The following KTN1 variants were observed in gnomAD, a reference collection of about 807,000 sequenced individuals.
The protein encoded by KTN1 is kinectin.
KTN1 carries 130 observed loss-of-function variants against 222.5 expected under a neutral mutation model. That is an observed-to-expected ratio of 0.58 (90% CI 0.51 to 0.68). The LOEUF (loss-of-function observed/expected upper bound fraction) is 0.68. Among genes scored for constraint, KTN1 ranks in the 30% least tolerant of loss-of-function variants. The pLI, the probability that KTN1 is intolerant of heterozygous loss-of-function variation, is 0.00. For synonymous variants in KTN1, 512 were observed against 496.3 expected (o/e 1.03, Z -0.42); for missense variants, 1,508 against 1,500.4 (o/e 1.01, Z -0.08).
In KTN1 at chr14:55,616,603, A is replaced by T; in HGVS notation, c.610A>T (p.Ser204Cys). ...CCTCCACCAAGAGACTAAACAAGAA[A>T]GTGGATCAGGGAAGAAGAAAGCTTC... ...LPLHQETKQE[S>C]GSGKKKASSK... The change falls in exon 3 of 44, where the codon AGT becomes TGT. Residue 204 changes from serine (S) to cysteine (C), a missense_variant. Physicochemically the swap from Ser to Cys is moderately radical, Grantham distance 112. Coordinates refer to ENST00000395314, the MANE Select transcript of KTN1 (RefSeq NM_001079521.2). The T allele has an allele frequency of 6.2e-7, 1 of 1,608,602 alleles. No homozygotes were observed. The highest frequency in any genetic ancestry group is 8.5e-7 in the Non-Finnish European group (1 of 1,178,516).
chr14:55,639,071 C>A, intron 12 of KTN1, 114 bp from the exon 13 acceptor site: 2 of 676,196 alleles, frequency 3.0e-6, no homozygotes, highest in South Asian at 2.1e-5. Flanking sequence ...CAGATACTTT[C>A]ATAACAATTT....
intron 24 of KTN1, 64 bp downstream of exon 24, chr14:55,650,701 T>G: frequency 7.8e-7 from 1 of 1,276,262 alleles, no homozygotes; most frequent in Non-Finnish European, 1.1e-6. Flanking sequence ...GCTATTTGAT[T>G]TTTTTTCTTG....
chr14:55,676,537 G>T (rs1204491081), intron 41 of KTN1, among the ~76,000 whole-genome samples: 2 of 151,990 alleles, frequency 1.3e-5, no homozygotes, highest in African/African-American at 4.8e-5. Flanking sequence ...TCACTTTTTG[G>T]AATTGCAAGA....
chr14:55,581,460 A>T (rs889189881), intron 1 of KTN1, among the ~76,000 whole-genome samples: 7 of 149,598 alleles, frequency 4.7e-5, no homozygotes, highest in South Asian at 2.2e-4. Flanking sequence ...TGTGTGTGTG[A>T]GTGTGTGTGT....
At chr14:55,668,410 A>G (rs1444103886) in intron 34 of KTN1, 1 of 151,812 alleles carries the variant, frequency 6.6e-6, no homozygotes, top group African/African-American at 2.4e-5. Flanking sequence ...GAAGTTTCCC[A>G]CAGTTTGGAT....
Position 55,650,563 on chromosome 14 carries a change from G to A in KTN1, c.2497-6G>A, listed in dbSNP as rs1329814434. 3 of 1,608,518 alleles carry A rather than the reference G, an allele frequency of 1.9e-6. No individual in the cohort carries two copies. The African/African-American group carries it at 4.0e-5, about 22-fold the overall frequency. On this transcript the variant is annotated splice_polypyrimidine_tract_variant and splice_region_variant and intron_variant, in intron 23 of 43. Coordinates refer to ENST00000395314, the MANE Select transcript of KTN1 (RefSeq NM_001079521.2). ...GTCCAATCTTGTCTGTTTTGTCATTGTCAAGGATTTGAAACAGGAAATAAA... is the reference window on the plus strand; with the variant it reads ...GTCCAATCTTGTCTGTTTTGTCATTATCAAGGATTTGAAACAGGAAATAAA...
intron 29 of KTN1, among the ~76,000 whole-genome samples, chr14:55,657,656 A>G (rs2043644917): frequency 6.6e-6 from 1 of 152,108 alleles, no homozygotes; most frequent in Non-Finnish European, 1.5e-5. Context: ...CACAGTAGTA[A>G]TCCCAGCACT....
chr14:55,609,038 T>TAAAAAAA (rs544387840), intron 1 of KTN1, among the ~76,000 whole-genome samples: 1 of 142,400 alleles, frequency 7.0e-6, no homozygotes. Flanking sequence ...TTTATTCTTC[T>TAAAAAAA]AAAAAAAAAA....
chr14:55,644,309 G>T, intron 18 of KTN1: 1 of 692,210 alleles, frequency 1.4e-6, no homozygotes, highest in Non-Finnish European at 2.6e-6. Context: ...GTTTAGTTAT[G>T]TAAAAATTTC....
chr14:55,684,123 A>G lies in KTN1; in HGVS notation c.*20A>G, dbSNP rs1347757381. The G allele has an allele frequency of 6.3e-7, 1 of 1,593,468 alleles. No homozygotes were observed. Among genetic ancestry groups the G allele is most frequent in the Non-Finnish European group, 8.6e-7 (1 of 1,165,210 alleles). ...GAGTGAAGTAATTGGGAAACTGTTC[A>G]TTTGAGGATAAAAAAGGCATTGTAT... is the stretch of plus-strand genomic sequence containing the variant. On this transcript the variant is annotated 3_prime_UTR_variant, in exon 44 of 44. Transcript: ENST00000395314.
chr14:55,613,193 A>T (rs2037847462), intron 2 of KTN1, among the ~76,000 whole-genome samples: 1 of 152,208 alleles, frequency 6.6e-6, no homozygotes, highest in Non-Finnish European at 1.5e-5. Context: ...ATAGGTCATT[A>T]TGAAAGATTT....
chr14:55,640,342 A>G, intron 14 of KTN1, 32 bp from the exon 15 acceptor site: 1 of 1,342,942 alleles, frequency 7.4e-7, no homozygotes, highest in Non-Finnish European at 1.1e-6. Flanking sequence ...AGTTGTATTA[A>G]GTATTTTAAA....
chr14:55,651,884 T>A lies in KTN1; in HGVS notation c.2566-6T>A, dbSNP rs776548337. The A allele has an allele frequency of 9.0e-6, 14 of 1,549,940 alleles. No homozygotes were observed. In the Admixed American group the frequency reaches 1.2e-4, roughly 13 times the overall value. ...TTAATTGATTTTTCTGTCCTTTGTA[T>A]TTCAGTTATCTATCACTTCCAAAGT... On this transcript the variant is annotated splice_region_variant and splice_polypyrimidine_tract_variant and intron_variant, in intron 24 of 43. Coordinates refer to ENST00000395314, the MANE Select transcript of KTN1 (RefSeq NM_001079521.2).
At chr14:55,617,885 A>G in intron 3 of KTN1, 79 bp from the exon 4 acceptor site, 2 of 1,048,068 alleles carry the variant, frequency 1.9e-6, no homozygotes, top group South Asian at 3.7e-5. Context: ...AACTGCATTT[A>G]TCATTAAATT....
chr14:55,594,105 A>G (rs2034622097), intron 1 of KTN1, among the ~76,000 whole-genome samples: 1 of 152,170 alleles, frequency 6.6e-6, no homozygotes, highest in Non-Finnish European at 1.5e-5. Flanking sequence ...TATTCGTGCA[A>G]AAGGTTGGTG....
chr14:55,676,185 T>A (rs1360187206), intron 41 of KTN1, among the ~76,000 whole-genome samples: 1 of 152,200 alleles, frequency 6.6e-6, no homozygotes, highest in South Asian at 2.1e-4. Flanking sequence ...GTTGGAGTTA[T>A]TAAAATTTGG....
intron 42 of KTN1, 49 bp downstream of exon 42, chr14:55,678,493 C>G (rs747073764): frequency 1.7e-6 from 2 of 1,181,442 alleles, no homozygotes; most frequent in South Asian, 1.2e-5. Context: ...ACCTTGTGAC[C>G]TGTGTAAAGA....
intron 37 of KTN1, 45 bp from the exon 38 acceptor site, chr14:55,672,585 A>G (rs771929505): frequency 5.1e-6 from 6 of 1,180,736 alleles, no homozygotes; most frequent in South Asian, 2.5e-5. Context: ...AAACTGCTAT[A>G]TCCTTGGTGG....
At chr14:55,597,507 G>T in intron 1 of KTN1, among the ~76,000 whole-genome samples, 1 of 152,132 alleles carries the variant, frequency 6.6e-6, no homozygotes, top group South Asian at 2.1e-4. Context: ...TCTCTTTGCT[G>T]TTTCTTAAAT....
Sources: gnomAD v4.1 joint callset for allele counts (sites outside exome capture counted in the v4.1 genomes callset) on GRCh38, gnomAD v4.1.1 for gene constraint, MANE v1.5 for transcripts, NCBI Gene and HGNC (gene_info 2026-07-23, HGNC 2026-07-21) for gene names.